The following NDUFAF6 variants were observed in gnomAD, a reference collection of about 807,000 sequenced individuals.
The protein encoded by NDUFAF6 is NADH dehydrogenase (ubiquinone) complex I, assembly factor 6.
A neutral mutation model predicts 40.8 loss-of-function variants in NDUFAF6; 45 were observed. The ratio of observed to expected loss-of-function variants is 1.10; its 90% CI spans 0.87 to 1.42. The LOEUF (loss-of-function observed/expected upper bound fraction) is 1.42, where lower values mean the gene tolerates loss of function less well. Ranked by LOEUF, NDUFAF6 falls within the 40% of genes most tolerant of loss-of-function variation. The pLI, the probability that NDUFAF6 is intolerant of heterozygous loss-of-function variation, is 0.00. For synonymous variants in NDUFAF6, 185 were observed against 155.9 expected (o/e 1.19, Z -1.39); for missense variants, 435 against 418.5 (o/e 1.04, Z -0.34).
chr8:95,086,411 A>G (rs1215075181), intron 2 of NDUFAF6, among the ~76,000 whole-genome samples: 1 of 152,120 alleles, frequency 6.6e-6, no homozygotes, highest in African/African-American at 2.4e-5. Context: ...CTGTGGATAT[A>G]TTGCTTAGCC....
At chr8:94,920,897 T>G (rs1819455809) in intron 1 of NDUFAF6, among the ~76,000 whole-genome samples, 1 of 152,208 alleles carries the variant, frequency 6.6e-6, no homozygotes, top group Non-Finnish European at 1.5e-5. Context: ...TAGCTGCCTA[T>G]TAGGACCAAT....
rs1233412253 is a variant in NDUFAF6, at chr8:94,932,041, TCA to T, written c.-935-13437_-935-13436del. The stretch of plus-strand genomic sequence containing the variant: ...CTTTGCCTCCCTATGCATACATATA[TCA>T]CACAGTCTCAAAGTGAATATACTTA... On this transcript the variant is annotated intron_variant, in intron 1 of 14. Coordinates refer to the NDUFAF6 transcript ENST00000396113. 4 of 1,601,852 alleles carry T rather than the reference TCA, an allele frequency of 2.5e-6. No homozygotes were observed. The African/African-American group carries it at 5.3e-5, about 21-fold the overall frequency.
rs529992559 is a variant in NDUFAF6 at position 95,086,427 on chromosome 8, G to A, written n.213+10675G>A. On this transcript the variant is annotated intron_variant and non_coding_transcript_variant, in intron 2 of 5. Transcript: ENST00000523184. Reference sequence around the variant, plus strand: ...TGTGGATATATTGCTTAGCCCCATGGCAGCACCCAGTCCCTAGTTAATCCC... The same window carrying A: ...TGTGGATATATTGCTTAGCCCCATGACAGCACCCAGTCCCTAGTTAATCCC... Among the ~76,000 whole-genome samples the A allele has an allele frequency of 7.9e-5, 12 of 152,198 alleles. No homozygotes were observed. The South Asian group carries it at 2.3e-3, about 29-fold the overall frequency.
exon 10 of NDUFAF6, chr8:95,075,749 C>T (rs1563855539): frequency 7.9e-7 from 1 of 1,267,326 alleles, no homozygotes; most frequent in Non-Finnish European, 1.0e-6. Flanking sequence ...GCGCACTTCT[C>T]CAGGTACTTG....
At chr8:95,003,365 C>T (rs1370823728) in intron 2 of NDUFAF6, among the ~76,000 whole-genome samples, 1 of 152,130 alleles carries the variant, frequency 6.6e-6, no homozygotes. Context: ...GAGGGCATTC[C>T]TGGGATAGCA....
rs563483834 is a variant in NDUFAF6 at position 95,114,096 on chromosome 8, T to C, written n.345-1440T>C. Among the ~76,000 whole-genome samples the C allele has an allele frequency of 2.6e-5, 4 of 152,048 alleles. No individual in the cohort carries two copies. In the East Asian group the frequency reaches 7.7e-4, roughly 29 times the overall value. On this transcript the variant is annotated intron_variant and non_coding_transcript_variant, in intron 4 of 5. Transcript: ENST00000523184. ...GGGTGCAGCACACCAGCATGGCACA[T>C]GTATACGTATGTAACTAACCTGCAC...
intron 1 of NDUFAF6, among the ~76,000 whole-genome samples, chr8:94,931,493 C>A (rs544096471): frequency 6.6e-6 from 1 of 152,052 alleles, no homozygotes; most frequent in African/African-American, 2.4e-5. Flanking sequence ...CAACACGTAA[C>A]ATGAAGAGCT....
intron 2 of NDUFAF6, among the ~76,000 whole-genome samples, chr8:95,017,116 T>C (rs1348520716): frequency 1.3e-5 from 2 of 149,324 alleles, no homozygotes; most frequent in Non-Finnish European, 3.0e-5. Context: ...TTTTTTTTTT[T>C]TTTTTTGGGG....
At chr8:95,064,954 TA>T (rs1327621789) in intron 9 of NDUFAF6, among the ~76,000 whole-genome samples, 2 of 152,248 alleles carry the variant, frequency 1.3e-5, no homozygotes, top group African/African-American at 4.8e-5. Flanking sequence ...GAAGTCTCCA[TA>T]AAAGGCCAAG....
downstream of NDUFAF6, among the ~76,000 whole-genome samples, chr8:95,107,642 T>C (rs1296524934): frequency 6.6e-6 from 1 of 152,158 alleles, no homozygotes; most frequent in East Asian, 1.9e-4. Flanking sequence ...AAAAAAAGTG[T>C]TACTCTGAAA....
At chr8:95,071,515 G>A (rs976110758) in intron 9 of NDUFAF6, among the ~76,000 whole-genome samples, 8 of 151,576 alleles carry the variant, frequency 5.3e-5, no homozygotes, top group East Asian at 3.9e-4. Flanking sequence ...AGGTTCCTAC[G>A]CCTGCAGTGG....
downstream of NDUFAF6, among the ~76,000 whole-genome samples, chr8:95,118,013 G>T (rs996723479): frequency 1.3e-5 from 2 of 152,186 alleles, no homozygotes; most frequent in Non-Finnish European, 2.9e-5. Flanking sequence ...TCTTGCTTGG[G>T]TCTTTCATCT....
chr8:94,905,588 G>A (rs915721599), intron 1 of NDUFAF6, among the ~76,000 whole-genome samples: 28 of 152,156 alleles, frequency 1.8e-4, no homozygotes, highest in South Asian at 8.3e-4. Context: ...TGATTCGGAG[G>A]CATCCTGCCC....
chr8:94,909,695 G>A (rs945596205), intron 1 of NDUFAF6, among the ~76,000 whole-genome samples: 2 of 151,854 alleles, frequency 1.3e-5, no homozygotes, highest in Non-Finnish European at 2.9e-5. Context: ...GGAGGCCAAG[G>A]TGGGTGGGTC....
upstream of NDUFAF6, among the ~76,000 whole-genome samples, chr8:95,098,063 C>G (rs1809524784): frequency 1.3e-5 from 2 of 152,094 alleles, no homozygotes; most frequent in African/African-American, 2.4e-5. Context: ...CTGTTGAGAG[C>G]AGCTCATGTC....
chr8:95,068,974 A>C (rs1313779636), intron 9 of NDUFAF6: 1 of 149,354 alleles, frequency 6.7e-6, no homozygotes, highest in Non-Finnish European at 1.5e-5. Flanking sequence ...CAATCTTCCT[A>C]CTCTTGACTC....
chr8:95,056,643 A>C, intron 8 of NDUFAF6, among the ~76,000 whole-genome samples: 1 of 151,860 alleles, frequency 6.6e-6, no homozygotes, highest in Non-Finnish European at 1.5e-5. Flanking sequence ...GCGGTGGCTC[A>C]TGCCTGTAAT....
At chr8:94,903,577 CG>C (rs900763157) in intron 1 of NDUFAF6, among the ~76,000 whole-genome samples, 1 of 152,148 alleles carries the variant, frequency 6.6e-6, no homozygotes, top group Non-Finnish European at 1.5e-5. Flanking sequence ...AGCATAAAAG[CG>C]TGCTTCACCA....
chr8:94,896,936 G>A (rs756318015), intron 1 of NDUFAF6, among the ~76,000 whole-genome samples: 1 of 152,162 alleles, frequency 6.6e-6, no homozygotes, highest in Admixed American at 6.5e-5. Context: ...CCCATGCCTT[G>A]TCAGTCCCAA....
Sources: gnomAD v4.1 joint callset for allele counts (sites outside exome capture counted in the v4.1 genomes callset) on GRCh38, gnomAD v4.1.1 for gene constraint, MANE v1.5 for transcripts, NCBI Gene and HGNC (gene_info 2026-07-23, HGNC 2026-07-21) for gene names.